Variants in SLC2A13 observed in about 807,000 individuals in gnomAD.
The protein encoded by SLC2A13 is proton myo-inositol cotransporter.
A neutral mutation model predicts 64.4 loss-of-function variants in SLC2A13; 32 were observed. That is an observed-to-expected ratio of 0.50 (90% CI 0.37 to 0.67). The LOEUF (loss-of-function observed/expected upper bound fraction) is 0.67. Ranked by LOEUF, SLC2A13 falls within the 30% of genes least tolerant of loss-of-function variation. SLC2A13 has a pLI of 0.00. For synonymous variants in SLC2A13, 338 were observed against 327.1 expected (o/e 1.03, Z -0.36); for missense variants, 743 against 829.2 (o/e 0.90, Z 1.28).
intron 7 of SLC2A13, among the ~76,000 whole-genome samples, chr12:39,823,453 G>A (rs1468771572): frequency 6.6e-6 from 1 of 152,012 alleles, no homozygotes. Context: ...TTTTAAAGAG[G>A]TTACAAAGGA....
At chr12:40,069,380 T>C (rs1937866945) in intron 1 of SLC2A13, among the ~76,000 whole-genome samples, 1 of 152,082 alleles carries the variant, frequency 6.6e-6, no homozygotes, top group Admixed American at 6.5e-5. Context: ...AACAAATTTA[T>C]CTCTCTTTTG....
intron 6 of SLC2A13, among the ~76,000 whole-genome samples, chr12:39,846,552 A>G (rs1379977556): frequency 6.6e-6 from 1 of 152,182 alleles, no homozygotes; most frequent in African/African-American, 2.4e-5. Context: ...TCCAGGCTCA[A>G]GTGTTCCTCC....
intron 3 of SLC2A13, among the ~76,000 whole-genome samples, chr12:40,021,794 T>G (rs1344812841): frequency 6.6e-6 from 1 of 152,146 alleles, no homozygotes. Context: ...AATGACTATT[T>G]TCCTCTAAGT....
chr12:40,039,822 A>G (rs1948055702), intron 2 of SLC2A13, among the ~76,000 whole-genome samples: 1 of 152,170 alleles, frequency 6.6e-6, no homozygotes, highest in South Asian at 2.1e-4. Context: ...CATCATTATC[A>G]CCTACAGTCC....
intron 4 of SLC2A13, among the ~76,000 whole-genome samples, chr12:39,941,644 T>A (rs1031073713): frequency 2.6e-5 from 4 of 152,200 alleles, no homozygotes; most frequent in African/African-American, 9.6e-5. Flanking sequence ...TTTGTTTGAG[T>A]TCATTGTGGA....
chr12:39,840,346 C>T (rs888862275), intron 6 of SLC2A13, among the ~76,000 whole-genome samples: 2 of 152,058 alleles, frequency 1.3e-5, no homozygotes, highest in East Asian at 1.9e-4. Flanking sequence ...TCTGTCCACT[C>T]CACTCTCTAC....
intron 7 of SLC2A13, among the ~76,000 whole-genome samples, chr12:39,766,785 C>T (rs1014271452): frequency 6.6e-6 from 1 of 152,020 alleles, no homozygotes; most frequent in African/African-American, 2.4e-5. Flanking sequence ...TTTCTTTGTT[C>T]CTCCTTAAGA....
chr12:39,778,798 C>T (rs940267140), intron 7 of SLC2A13, among the ~76,000 whole-genome samples: 2 of 152,134 alleles, frequency 1.3e-5, no homozygotes, highest in African/African-American at 4.8e-5. Flanking sequence ...ATACCAATGA[C>T]TGAAAAACAG....
chr12:40,052,534 C>A (rs1565606385), intron 1 of SLC2A13, among the ~76,000 whole-genome samples: 2 of 151,952 alleles, frequency 1.3e-5, no homozygotes, highest in East Asian at 1.9e-4. Flanking sequence ...GAGCCTGTAA[C>A]AAAGGGAGTA....
chr12:40,086,889 C>A (rs1002173333), intron 1 of SLC2A13, among the ~76,000 whole-genome samples: 1 of 152,308 alleles, frequency 6.6e-6, no homozygotes, highest in Non-Finnish European at 1.5e-5. Context: ...CAGTTACCAA[C>A]GGCCAGTCCC....
Position 39,895,496 on chromosome 12 carries a change from A to C in SLC2A13, c.1035-23535T>G, listed in dbSNP as rs1217164709. On this transcript the variant is annotated intron_variant, in intron 4 of 9. Transcript: ENST00000280871. ...CAGAGCGAGACTCTGTCTCAAAAAAAAAAAAAAAAAAAAAAAATTATATAT... is the reference window on the plus strand; with the variant it reads ...CAGAGCGAGACTCTGTCTCAAAAAACAAAAAAAAAAAAAAAAATTATATAT... Among the ~76,000 whole-genome samples the C allele has an allele frequency of 2.3e-3, 132 of 58,404 alleles. 1 individual carries two copies. The highest frequency in any genetic ancestry group is 8.3e-3 in the African/African-American group (123 of 14,740). The allele number at this position is 58,404 out of a possible 152,430, so 38.3% of individuals were successfully genotyped here. A position where few individuals can be genotyped will look rare whatever the true frequency, so the allele number is the denominator to read the frequency against.
intron 4 of SLC2A13, among the ~76,000 whole-genome samples, chr12:39,941,579 T>C (rs888662861): frequency 3.3e-5 from 5 of 152,204 alleles, no homozygotes; most frequent in Non-Finnish European, 7.3e-5. Context: ...CTGTTGAGAA[T>C]TGTCTATTCA....
rs975870006 is a variant in SLC2A13, at chr12:39,755,676, A to G, written c.*4350T>C. 4.6e-5 allele frequency: 7 copies of G among 152,100 alleles called. No homozygotes were observed. The highest frequency in any genetic ancestry group is 1.5e-5 in the Non-Finnish European group (1 of 67,884). The allele number at this position is 152,100 out of a possible 1,614,324, so 9.4% of individuals were successfully genotyped here. ...CCACTTCTTTTTCTCATTTATGCTG[A>G]CATGACAAAATCAAACACATGAACT... On this transcript the variant is annotated 3_prime_UTR_variant, in exon 10 of 10. Transcript: ENST00000280871.
chr12:39,833,444 C>T (rs1032541014), intron 6 of SLC2A13, among the ~76,000 whole-genome samples: 2 of 152,156 alleles, frequency 1.3e-5, no homozygotes, highest in African/African-American at 4.8e-5. Context: ...TCACTCACTC[C>T]ATGGCTCTGC....
chr12:40,002,409 CCAAATA>C (rs1345073930), intron 3 of SLC2A13, among the ~76,000 whole-genome samples: 1 of 152,078 alleles, frequency 6.6e-6, no homozygotes, highest in Non-Finnish European at 1.5e-5. Context: ...TGCCTTGATC[CCAAATA>C]CAAAGAATAA....
At chr12:39,781,819 G>A (rs1221511787) in intron 7 of SLC2A13, among the ~76,000 whole-genome samples, 1 of 152,218 alleles carries the variant, frequency 6.6e-6, no homozygotes, top group Non-Finnish European at 1.5e-5. Context: ...ACAAAAGTTA[G>A]TGGGTGGGCT....
rs1565526688 is a variant in SLC2A13, at chr12:39,895,875, TATGTATATGCGTGTATATGCACACAC to T, written c.1035-23940_1035-23915del. ...GTATATGCGTGTATATGCACACACA[TATGTATATGCGTGTATATGCACACAC>T]ATATGTATATGTATGCATATATGTG... On this transcript the variant is annotated intron_variant, in intron 4 of 9. Transcript: ENST00000280871. Among the ~76,000 whole-genome samples, 191 of 100,318 alleles carry T rather than the reference TATGTATATGCGTGTATATGCACACAC, an allele frequency of 1.9e-3. 40 individuals carry two copies. The East Asian group carries it at 0.022, about 12-fold the overall frequency. The allele number at this position is 100,318 out of a possible 152,430, so 65.8% of individuals were successfully genotyped here.
At chr12:39,854,412 G>A (rs1363287248) in intron 6 of SLC2A13, among the ~76,000 whole-genome samples, 1 of 152,176 alleles carries the variant, frequency 6.6e-6, no homozygotes, top group Non-Finnish European at 1.5e-5. Context: ...CATCCTGCTA[G>A]GTATATTGGC....
At chr12:39,784,763 G>T (rs568384671) in intron 7 of SLC2A13, among the ~76,000 whole-genome samples, 1 of 152,234 alleles carries the variant, frequency 6.6e-6, no homozygotes, top group South Asian at 2.1e-4. Context: ...CACAGCAAAA[G>T]AAACTACCAT....
Sources: gnomAD v4.1 joint callset for allele counts (sites outside exome capture counted in the v4.1 genomes callset) on GRCh38, gnomAD v4.1.1 for gene constraint, MANE v1.5 for transcripts, NCBI Gene and HGNC (gene_info 2026-07-23, HGNC 2026-07-21) for gene names.